The following AUTS2 variants were observed in gnomAD, a reference collection of about 807,000 sequenced individuals.
AUTS2 encodes autism susceptibility gene 2 protein.
A neutral mutation model predicts 112.4 loss-of-function variants in AUTS2; 17 were observed. The observed-to-expected ratio is 0.15, with a 90% CI of 0.10 to 0.23. AUTS2 has a LOEUF of 0.23. Ranked by LOEUF, AUTS2 falls within the 10% of genes least tolerant of loss-of-function variation. The pLI, the probability that AUTS2 is intolerant of heterozygous loss-of-function variation, is 1.00. For synonymous variants in AUTS2, 751 were observed against 702.7 expected (o/e 1.07, Z -1.09); for missense variants, 1,510 against 1,701.6 (o/e 0.89, Z 1.98).
intron 1 of AUTS2, among the ~76,000 whole-genome samples, chr7:69,639,669 TC>T (rs1156966661): frequency 2.0e-5 from 3 of 152,246 alleles, no homozygotes; most frequent in African/African-American, 7.2e-5. Context: ...CCTAAAGGCT[TC>T]CGTCTTGCTC....
At chr7:69,896,283 G>C (rs986550776) in intron 1 of AUTS2, among the ~76,000 whole-genome samples, 3 of 152,148 alleles carry the variant, frequency 2.0e-5, no homozygotes. Flanking sequence ...GGCCATGTGC[G>C]CTTGCTTTGA....
intron 5 of AUTS2, among the ~76,000 whole-genome samples, chr7:70,617,739 A>G (rs1193550328): frequency 6.6e-6 from 1 of 152,114 alleles, no homozygotes; most frequent in Non-Finnish European, 1.5e-5. Flanking sequence ...GAGTTGGAAA[A>G]GTTAAATGAT....
chr7:69,655,589 T>G (rs1428363473), intron 1 of AUTS2, among the ~76,000 whole-genome samples: 1 of 152,146 alleles, frequency 6.6e-6, no homozygotes, highest in Non-Finnish European at 1.5e-5. Flanking sequence ...CTGATGGACT[T>G]TAAAGTTTGA....
chr7:69,683,968 G>A (rs373163462), intron 1 of AUTS2, among the ~76,000 whole-genome samples: 1 of 151,996 alleles, frequency 6.6e-6, no homozygotes, highest in Admixed American at 6.6e-5. Context: ...AGATAATGGC[G>A]GACATAATGG....
intron 5 of AUTS2, among the ~76,000 whole-genome samples, chr7:70,674,410 T>G (rs1232671620): frequency 6.6e-6 from 1 of 152,188 alleles, no homozygotes; most frequent in Non-Finnish European, 1.5e-5. Context: ...GCACTTGTCA[T>G]TTGCTGAGGA....
At chr7:70,570,174 T>A (rs1585315080) in intron 5 of AUTS2, among the ~76,000 whole-genome samples, 1 of 152,204 alleles carries the variant, frequency 6.6e-6, no homozygotes, top group African/African-American at 2.4e-5. Flanking sequence ...GTTAGGCAGG[T>A]CTGGCCTAGA....
At chr7:70,495,707 A>G (rs1798438897) in intron 5 of AUTS2, among the ~76,000 whole-genome samples, 2 of 134,558 alleles carry the variant, frequency 1.5e-5, no homozygotes, top group Non-Finnish European at 3.2e-5. Flanking sequence ...TCACACACAC[A>G]CACACCCCAC....
intron 4 of AUTS2, among the ~76,000 whole-genome samples, chr7:70,297,630 T>A (rs1789007101): frequency 6.6e-6 from 1 of 151,772 alleles, no homozygotes; most frequent in South Asian, 2.1e-4. Context: ...GAGATGGGGT[T>A]TCACCGTGTT....
intron 2 of AUTS2, among the ~76,000 whole-genome samples, chr7:70,113,099 A>G (rs1805169430): frequency 6.6e-6 from 1 of 152,184 alleles, no homozygotes; most frequent in South Asian, 2.1e-4. Context: ...CTGTGATCCC[A>G]GAAAAATTCC....
chr7:69,707,902 C>T (rs372558112), intron 1 of AUTS2, among the ~76,000 whole-genome samples: 34 of 152,294 alleles, frequency 2.2e-4, no homozygotes, highest in South Asian at 1.0e-3. Flanking sequence ...TTCGTTCAGT[C>T]GTGTATCATG....
At chr7:70,251,728 C>A (rs1484235329) in intron 4 of AUTS2, among the ~76,000 whole-genome samples, 1 of 152,056 alleles carries the variant, frequency 6.6e-6, no homozygotes, top group African/African-American at 2.4e-5. Context: ...AGTACCTAAT[C>A]TATTGTTAAT....
chr7:69,831,906 T>TTAAATA (rs1236560994), intron 1 of AUTS2, among the ~76,000 whole-genome samples: 2 of 152,242 alleles, frequency 1.3e-5, no homozygotes, highest in Non-Finnish European at 2.9e-5. Context: ...TTGGCATGAT[T>TTAAATA]TAAATCACAA....
intron 2 of AUTS2, among the ~76,000 whole-genome samples, chr7:70,013,300 T>G (rs968669513): frequency 2.0e-5 from 3 of 152,246 alleles, no homozygotes; most frequent in African/African-American, 7.2e-5. Flanking sequence ...AAATAAATCC[T>G]GTCTCCTGAA....
rs189297698 is a variant in AUTS2 at position 70,426,423 on chromosome 7, T to C, written c.661-9329T>C. ...GCTTGCCCTCACCTGTCAAGCATGATCCTTGTATTTTACCAGGCCCATTAT... is the reference window on the plus strand; with the variant it reads ...GCTTGCCCTCACCTGTCAAGCATGACCCTTGTATTTTACCAGGCCCATTAT... On this transcript the variant is annotated intron_variant, in intron 4 of 18. Transcript: ENST00000342771. Among the ~76,000 whole-genome samples, 324 of 152,328 alleles carry C rather than the reference T, an allele frequency of 2.1e-3. 2 individuals carry two copies. Among genetic ancestry groups the C allele is most frequent in the Non-Finnish European group, 3.4e-3 (228 of 68,030 alleles).
At chr7:70,003,628 C>A (rs182887123) in intron 2 of AUTS2, among the ~76,000 whole-genome samples, 12,794 of 69,364 alleles carry the variant, frequency 0.18, 1,039 homozygotes, top group Middle Eastern at 0.31. Flanking sequence ...ATATGAGTAT[C>A]TATAATATAT....
chr7:69,948,773 CATTTATTTATTTATTTATTTATTTATTT>C (rs36128585), intron 2 of AUTS2, among the ~76,000 whole-genome samples: 1 of 147,038 alleles, frequency 6.8e-6, no homozygotes, highest in African/African-American at 2.5e-5. Flanking sequence ...AATTTTCTTT[CATTTATTTATTTATTTATTTATTTATTT>C]ATTTATTTAT....
At chr7:70,560,427 C>G (rs926762932) in intron 5 of AUTS2, among the ~76,000 whole-genome samples, 4 of 152,154 alleles carry the variant, frequency 2.6e-5, no homozygotes, top group African/African-American at 9.7e-5. Flanking sequence ...CAATGGTCTT[C>G]CATTGGAAAA....
chr7:70,720,253 A>G (rs1301234619), intron 6 of AUTS2, among the ~76,000 whole-genome samples: 4 of 151,834 alleles, frequency 2.6e-5, no homozygotes, highest in Admixed American at 1.3e-4. Flanking sequence ...TGAAAGCTGA[A>G]CTTATTTTGT....
chr7:69,739,835 G>A (rs939422967), intron 1 of AUTS2, among the ~76,000 whole-genome samples: 12 of 152,112 alleles, frequency 7.9e-5, no homozygotes, highest in African/African-American at 2.9e-4. Context: ...TGTTGTCGTC[G>A]GTGTATAGAA....
Sources: gnomAD v4.1 joint callset for allele counts (sites outside exome capture counted in the v4.1 genomes callset) on GRCh38, gnomAD v4.1.1 for gene constraint, MANE v1.5 for transcripts, NCBI Gene and HGNC (gene_info 2026-07-23, HGNC 2026-07-21) for gene names.